Variants in COP1 observed in about 807,000 individuals in gnomAD.
COP1 encodes the protein COP1 E3 ubiquitin ligase.
COP1 carries 24 observed loss-of-function variants against 101.3 expected under a neutral mutation model. That is an observed-to-expected ratio of 0.24 (90% CI 0.17 to 0.33). The LOEUF is 0.33. COP1 is among the 10% of genes least tolerant of loss of function. COP1 has a pLI of 1.00. For missense variants in COP1, 663 were observed against 906.2 expected (o/e 0.73, Z 3.45); for synonymous variants, 347 against 341.9 (o/e 1.01, Z -0.17).
At chr1:176,132,576 C>T (rs1689072781) in intron 8 of COP1, among the ~76,000 whole-genome samples, 1 of 141,072 alleles carries the variant, frequency 7.1e-6, no homozygotes, top group South Asian at 2.2e-4. Flanking sequence ...CGTATATATA[C>T]TATATATACA....
intron 11 of COP1, among the ~76,000 whole-genome samples, chr1:176,067,381 TCCTGCA>T (rs1397446872): frequency 6.6e-6 from 1 of 152,052 alleles, no homozygotes; most frequent in Non-Finnish European, 1.5e-5. Flanking sequence ...CGCGCCCCCA[TCCTGCA>T]CCTATAAAAA....
intron 9 of COP1, among the ~76,000 whole-genome samples, chr1:176,108,285 A>C (rs954456336): frequency 6.6e-6 from 1 of 152,090 alleles, no homozygotes; most frequent in Non-Finnish European, 1.5e-5. Flanking sequence ...TTCAACTACT[A>C]AATATTATTT....
chr1:176,182,752 C>A (rs998434301), intron 2 of COP1, among the ~76,000 whole-genome samples: 1 of 152,184 alleles, frequency 6.6e-6, no homozygotes. Flanking sequence ...CAAGACCATA[C>A]CTGTATCAGC....
At chr1:176,102,269 T>C (rs1387053588) in intron 9 of COP1, among the ~76,000 whole-genome samples, 2 of 152,124 alleles carry the variant, frequency 1.3e-5, no homozygotes, top group Non-Finnish European at 2.9e-5. Context: ...CCCTTTTTCC[T>C]TTTCGCCCAA....
At chr1:176,112,167 C>T (rs1231010349) in intron 9 of COP1, among the ~76,000 whole-genome samples, 3 of 148,676 alleles carry the variant, frequency 2.0e-5, no homozygotes, top group Non-Finnish European at 4.5e-5. Context: ...AGTGCACTAT[C>T]TCAAACCAAA....
chr1:176,101,403 T>C (rs994067951), intron 9 of COP1, among the ~76,000 whole-genome samples: 3 of 151,870 alleles, frequency 2.0e-5, no homozygotes, highest in African/African-American at 7.3e-5. Flanking sequence ...AGGACTCCTT[T>C]GGAAAAAAAA....
At chr1:176,111,357 G>C (rs1262195749) in intron 9 of COP1, among the ~76,000 whole-genome samples, 1 of 152,048 alleles carries the variant, frequency 6.6e-6, no homozygotes. Flanking sequence ...GCAATGGCAT[G>C]ATCTTGGCTC....
At chr1:175,978,469 T>C (rs779919575) in intron 18 of COP1, among the ~76,000 whole-genome samples, 7 of 152,174 alleles carry the variant, frequency 4.6e-5, no homozygotes, top group Non-Finnish European at 7.4e-5. Context: ...CTTCCTGTAA[T>C]TTACTTAGAG....
intron 2 of COP1, among the ~76,000 whole-genome samples, chr1:176,176,924 G>A (rs1468902580): frequency 1.3e-5 from 2 of 152,082 alleles, no homozygotes; most frequent in Non-Finnish European, 2.9e-5. Context: ...TTTCCTAGAA[G>A]GCAAGTTGCA....
intron 6 of COP1, among the ~76,000 whole-genome samples, chr1:176,141,495 C>T (rs1690673059): frequency 6.6e-6 from 1 of 151,346 alleles, no homozygotes; most frequent in Non-Finnish European, 1.5e-5. Context: ...AGCAAGACTC[C>T]ATCTCAAAAA....
At chr1:176,074,930 T>C (rs1447576082) in intron 11 of COP1, among the ~76,000 whole-genome samples, 2 of 152,166 alleles carry the variant, frequency 1.3e-5, no homozygotes, top group East Asian at 3.8e-4. Context: ...CTGAAGTCCT[T>C]AAAAGCATAG....
chr1:176,134,035 A>T, intron 8 of COP1: 1 of 352,144 alleles, frequency 2.8e-6, no homozygotes, highest in Non-Finnish European at 5.6e-6. Context: ...TCTCCATACT[A>T]TAATTAATGG....
intron 9 of COP1, among the ~76,000 whole-genome samples, chr1:176,114,172 A>G (rs1685774841): frequency 6.6e-6 from 1 of 152,152 alleles, no homozygotes; most frequent in Admixed American, 6.5e-5. Flanking sequence ...TCAAGTTCCT[A>G]CGGTATATTT....
At chr1:176,165,361 C>CGTGTGTGTGTGTGTGTGTGTGTGTGT (rs34291468) in intron 3 of COP1, among the ~76,000 whole-genome samples, 1 of 132,056 alleles carries the variant, frequency 7.6e-6, no homozygotes. Flanking sequence ...AGATGTGTGT[C>CGTGTGTGTGTGTGTGTGTGTGTGTGT]GTGTGTGTGT....
chr1:176,095,564 C>A (rs1002250403), intron 9 of COP1, among the ~76,000 whole-genome samples: 1 of 152,082 alleles, frequency 6.6e-6, no homozygotes, highest in Non-Finnish European at 1.5e-5. Context: ...CACCTGCAGT[C>A]CCAGCTATTG....
At chr1:176,143,141 A>C (rs1188860156) in intron 6 of COP1, among the ~76,000 whole-genome samples, 2 of 149,542 alleles carry the variant, frequency 1.3e-5, no homozygotes. Context: ...AGAGAGAGCG[A>C]GAGAAAGAGA....
intron 15 of COP1, among the ~76,000 whole-genome samples, chr1:176,004,979 T>C (rs2148896157): frequency 1.3e-5 from 2 of 152,060 alleles, no homozygotes; most frequent in South Asian, 2.1e-4. Context: ...ATCCATCTGG[T>C]CCTGGACTCT....
chr1:176,003,238 T>A (rs1662218148), intron 15 of COP1, among the ~76,000 whole-genome samples: 1 of 152,342 alleles, frequency 6.6e-6, no homozygotes, highest in East Asian at 1.9e-4. Flanking sequence ...TCATTCTAGA[T>A]TCTGGATATT....
At chr1:175,961,032 G>C (rs1651274845) in intron 18 of COP1, among the ~76,000 whole-genome samples, 1 of 152,112 alleles carries the variant, frequency 6.6e-6, no homozygotes, top group African/African-American at 2.4e-5. Context: ...CCTGGAGCTG[G>C]GACACTCTTC....
Sources: allele counts gnomAD v4.1 joint callset (sites outside exome capture counted in the v4.1 genomes callset), GRCh38; gene constraint gnomAD v4.1.1; transcripts MANE v1.5; gene names NCBI Gene and HGNC (gene_info 2026-07-23, HGNC 2026-07-21).